Variants in SCLT1 observed in about 807,000 individuals in gnomAD.
SCLT1 encodes sodium channel and clathrin linker 1.
SCLT1 carries 78 observed loss-of-function variants against 112.8 expected under a neutral mutation model. That is an observed-to-expected ratio of 0.69 (90% CI 0.58 to 0.83). The LOEUF (loss-of-function observed/expected upper bound fraction) is 0.83, where lower values mean the gene tolerates loss of function less well. Among genes scored for constraint, SCLT1 ranks in the 40% least tolerant of loss-of-function variants. SCLT1 has a pLI of 0.00. For missense variants in SCLT1, 747 were observed against 770.4 expected, an observed-to-expected ratio of 0.97 and a Z score of 0.36; for synonymous variants, 257 against 254.7, an observed-to-expected ratio of 1.01 and a Z score of -0.09.
intron 12 of SCLT1, among the ~76,000 whole-genome samples, chr4:128,958,263 G>A (rs929798755): frequency 6.6e-6 from 1 of 152,104 alleles, no homozygotes; most frequent in Non-Finnish European, 1.5e-5. Flanking sequence ...CCTTAAACAA[G>A]TAAGCTAGTG....
chr4:129,072,402 A>G (rs1396816585), intron 2 of SCLT1, among the ~76,000 whole-genome samples: 1 of 152,162 alleles, frequency 6.6e-6, no homozygotes, highest in Non-Finnish European at 1.5e-5. Context: ...AAATATTTCC[A>G]AGCTTTTAGA....
chr4:128,902,801 A>C (rs1404751078), intron 18 of SCLT1, among the ~76,000 whole-genome samples: 1 of 152,202 alleles, frequency 6.6e-6, no homozygotes, highest in East Asian at 1.9e-4. Context: ...TTTTGACTCT[A>C]AAACACAAAT....
At chr4:128,986,688 C>A (rs531226961) in intron 9 of SCLT1, among the ~76,000 whole-genome samples, 125 of 152,264 alleles carry the variant, frequency 8.2e-4, no homozygotes, top group African/African-American at 2.9e-3. Flanking sequence ...CACCTGGATG[C>A]GTTTCTAGAC....
intron 16 of SCLT1, among the ~76,000 whole-genome samples, chr4:128,945,752 A>G (rs1174636304): frequency 6.6e-6 from 1 of 152,164 alleles, no homozygotes; most frequent in Non-Finnish European, 1.5e-5. Context: ...AAAGACAACA[A>G]TATTATAAAC....
chr4:129,068,207 T>C (rs537952657), intron 2 of SCLT1, among the ~76,000 whole-genome samples: 1 of 152,268 alleles, frequency 6.6e-6, no homozygotes, highest in South Asian at 2.1e-4. Context: ...CCATCACATA[T>C]ATATGTATGT....
At chr4:129,075,927 A>G (rs1019529244) in intron 2 of SCLT1, among the ~76,000 whole-genome samples, 4 of 152,096 alleles carry the variant, frequency 2.6e-5, no homozygotes, top group African/African-American at 9.7e-5. Context: ...GACATGTCAA[A>G]TTCTTCCCTG....
At chr4:128,926,940 A>G (rs1409243328) in intron 18 of SCLT1, among the ~76,000 whole-genome samples, 1 of 152,064 alleles carries the variant, frequency 6.6e-6, no homozygotes, top group East Asian at 1.9e-4. Context: ...AGTTACCAAA[A>G]GAACATGAGT....
At chr4:129,042,976 G>A (rs1747839772) in intron 4 of SCLT1, among the ~76,000 whole-genome samples, 1 of 152,058 alleles carries the variant, frequency 6.6e-6, no homozygotes, top group Non-Finnish European at 1.5e-5. Flanking sequence ...GGGAGGCTGA[G>A]GCAGGAGAAT....
chr4:128,930,501 G>A (rs923725998), intron 18 of SCLT1, among the ~76,000 whole-genome samples: 2 of 152,156 alleles, frequency 1.3e-5, no homozygotes, highest in African/African-American at 2.4e-5. Context: ...AGAACTAAAT[G>A]TTGGGGTAAT....
chr4:128,907,166 G>C (rs1002829495), intron 18 of SCLT1, among the ~76,000 whole-genome samples: 1 of 152,108 alleles, frequency 6.6e-6, no homozygotes, highest in Non-Finnish European at 1.5e-5. Context: ...GAACAAGCTG[G>C]AAGTGCAAGG....
At chr4:128,981,154 TA>T (rs1255988023) in intron 9 of SCLT1, among the ~76,000 whole-genome samples, 5 of 152,160 alleles carry the variant, frequency 3.3e-5, no homozygotes, top group African/African-American at 4.8e-5. Flanking sequence ...AAACACTTAA[TA>T]AAGTGTTAAA....
intron 11 of SCLT1, among the ~76,000 whole-genome samples, chr4:128,960,466 T>C (rs986103357): frequency 6.6e-6 from 1 of 152,200 alleles, no homozygotes; most frequent in Admixed American, 6.5e-5. Flanking sequence ...GTCTAATGAA[T>C]GTAACCTCAT....
At position 128,891,105 on chromosome 4, in the gene SCLT1, T is replaced by C. The variant is rs778421578; in HGVS notation, c.1862A>G (p.Gln621Arg). 2.5e-6 allele frequency: 4 copies of C among 1,612,904 alleles called. No individual in the cohort carries two copies. In the South Asian group the frequency reaches 3.3e-5, roughly 13 times the overall value. The change falls in exon 19 of 21, where the codon CAA becomes CGA. Residue 621 changes from glutamine to arginine, a missense_variant. Coordinates refer to ENST00000281142, the MANE Select transcript of SCLT1 (RefSeq NM_144643.4). ...SELSRQKLHT[Q>R]ELLSQLEMAN... ...CATTTCCAGCTGAGAAAGCAGCTCTTGGGTATGAAGTTTCTGTCGACTCAG... is the reference window on the plus strand; with the variant it reads ...CATTTCCAGCTGAGAAAGCAGCTCTCGGGTATGAAGTTTCTGTCGACTCAG...
At chr4:129,092,103 A>G (rs1329339218) in intron 1 of SCLT1, among the ~76,000 whole-genome samples, 1 of 152,196 alleles carries the variant, frequency 6.6e-6, no homozygotes, top group Non-Finnish European at 1.5e-5. Flanking sequence ...CCCCGTAAAA[A>G]TCAGACCGGG....
At chr4:128,992,146 G>T (rs918040513) in intron 9 of SCLT1, 21 bp downstream of exon 9, 2 of 1,464,442 alleles carry the variant, frequency 1.4e-6, no homozygotes, top group African/African-American at 2.8e-5. Context: ...ATGAAATAAT[G>T]AAACTCATTT....
chr4:129,038,718 T>C (rs1481490350), intron 5 of SCLT1, among the ~76,000 whole-genome samples: 1 of 152,184 alleles, frequency 6.6e-6, no homozygotes, highest in Non-Finnish European at 1.5e-5. Flanking sequence ...ATATATTATA[T>C]ACTACATTAT....
chr4:129,021,887 C>G lies in SCLT1; in HGVS notation c.290+17154G>C, dbSNP rs913334626. Among the ~76,000 whole-genome samples the G allele has an allele frequency of 1.5e-4, 23 of 152,222 alleles. 1 individual carries two copies. The highest frequency in any genetic ancestry group is 1.5e-3 in the Admixed American group (23 of 15,284). ...CTCCTGACAGGGAGAAACCTCCCAA[C>G]AGGGGCTGACAGACATCTCATATAG... On this transcript the variant is annotated intron_variant, in intron 5 of 20. Transcript: ENST00000281142.
intron 18 of SCLT1, among the ~76,000 whole-genome samples, chr4:128,920,104 C>A (rs1270616060): frequency 6.6e-6 from 1 of 152,094 alleles, no homozygotes; most frequent in African/African-American, 2.4e-5. Flanking sequence ...AAAAAGAAAA[C>A]TTCAGGCCAA....
intron 18 of SCLT1, among the ~76,000 whole-genome samples, chr4:128,908,533 C>G (rs981532926): frequency 6.6e-6 from 1 of 152,026 alleles, no homozygotes; most frequent in Admixed American, 6.5e-5. Flanking sequence ...TTTGGACAAG[C>G]GAATATTACA....
Sources: gnomAD v4.1 joint callset for allele counts (sites outside exome capture counted in the v4.1 genomes callset) on GRCh38, gnomAD v4.1.1 for gene constraint, MANE v1.5 for transcripts, NCBI Gene and HGNC (gene_info 2026-07-23, HGNC 2026-07-21) for gene names.